The following HDAC9 variants were observed in gnomAD, a reference collection of about 807,000 sequenced individuals.
HDAC9 encodes MEF-2 interacting transcription repressor (MITR) protein.
In HDAC9, 41 loss-of-function variants were observed where a neutral mutation model predicts 139.4. The observed-to-expected ratio is 0.29, with a 90% CI of 0.23 to 0.38. The LOEUF (loss-of-function observed/expected upper bound fraction) is 0.38, where lower values mean the gene tolerates loss of function less well. HDAC9 is among the 10% of genes least tolerant of loss of function. HDAC9 has a pLI of 1.00. For missense variants in HDAC9, 1,147 were observed against 1,297.0 expected, an observed-to-expected ratio of 0.88 and a Z score of 1.78; for synonymous variants, 517 against 476.2, an observed-to-expected ratio of 1.09 and a Z score of -1.12.
chr7:18,268,348 G>A (rs548646810), intron 2 of HDAC9, among the ~76,000 whole-genome samples: 1 of 152,074 alleles, frequency 6.6e-6, no homozygotes. Context: ...TCATATACCT[G>A]TAATATTTAG....
At chr7:18,584,043 A>T (rs1828656266) in intron 2 of HDAC9, among the ~76,000 whole-genome samples, 1 of 152,108 alleles carries the variant, frequency 6.6e-6, no homozygotes. Context: ...TGGTCATTCA[A>T]AATGTCAGAA....
intron 25 of HDAC9, among the ~76,000 whole-genome samples, chr7:18,988,622 T>A (rs1209441042): frequency 6.6e-6 from 1 of 152,254 alleles, no homozygotes. Context: ...TATCCTTGTT[T>A]ACTTTCTGTC....
chr7:18,748,576 C>T (rs1016257943), intron 13 of HDAC9, among the ~76,000 whole-genome samples: 3 of 152,142 alleles, frequency 2.0e-5, no homozygotes, highest in African/African-American at 7.2e-5. Context: ...GCTAGAATGA[C>T]TCATGGAAGA....
At chr7:18,625,265 T>G (rs1340658653) in intron 6 of HDAC9, among the ~76,000 whole-genome samples, 2 of 152,160 alleles carry the variant, frequency 1.3e-5, no homozygotes, top group African/African-American at 4.8e-5. Context: ...TAATAATCTC[T>G]CTTTTCTTTT....
chr7:18,198,794 G>T (rs1327405612), intron 2 of HDAC9, among the ~76,000 whole-genome samples: 1 of 152,072 alleles, frequency 6.6e-6, no homozygotes. Context: ...ATTTGACATA[G>T]AAACTGTCAA....
chr7:18,749,631 T>A (rs951138286), intron 14 of HDAC9, among the ~76,000 whole-genome samples: 2 of 152,204 alleles, frequency 1.3e-5, no homozygotes, highest in African/African-American at 4.8e-5. Context: ...TTGAATACTT[T>A]GATTTTATCA....
intron 12 of HDAC9, chr7:18,668,355 G>A (rs970681901): frequency 1.2e-5 from 11 of 937,064 alleles, no homozygotes; most frequent in African/African-American, 3.6e-5. Flanking sequence ...AATATGGCAT[G>A]CCTAAGATAA....
intron 12 of HDAC9, among the ~76,000 whole-genome samples, chr7:18,687,307 C>T (rs1330461649): frequency 6.6e-6 from 1 of 151,804 alleles, no homozygotes; most frequent in Non-Finnish European, 1.5e-5. Flanking sequence ...AAATCTTCTA[C>T]TCAATGCACT....
At chr7:18,950,734 C>T (rs1179953727) in intron 23 of HDAC9, among the ~76,000 whole-genome samples, 1 of 151,580 alleles carries the variant, frequency 6.6e-6, no homozygotes, top group African/African-American at 2.4e-5. Context: ...GAGGAGCACG[C>T]AATATTTGCG....
chr7:18,962,902 T>C (rs1258982870), intron 24 of HDAC9, among the ~76,000 whole-genome samples: 1 of 152,176 alleles, frequency 6.6e-6, no homozygotes, highest in Non-Finnish European at 1.5e-5. Flanking sequence ...TTCCTTCTAC[T>C]GGTAAGAAGG....
At chr7:18,492,419 T>A (rs1283873265), upstream of HDAC9, among the ~76,000 whole-genome samples, 1 of 151,938 alleles carries the variant, frequency 6.6e-6, no homozygotes, top group Non-Finnish European at 1.5e-5. Context: ...TAGAAAGAAA[T>A]TGGATTATGG....
intron 6 of HDAC9, among the ~76,000 whole-genome samples, chr7:18,622,227 G>A (rs1840397875): frequency 6.6e-6 from 1 of 152,214 alleles, no homozygotes; most frequent in Non-Finnish European, 1.5e-5. Flanking sequence ...AGCTGGTGGT[G>A]AAGACTTGAC....
chr7:18,574,379 G>T (rs1171863171), intron 2 of HDAC9, among the ~76,000 whole-genome samples: 1 of 152,230 alleles, frequency 6.6e-6, no homozygotes, highest in East Asian at 1.9e-4. Flanking sequence ...CTGAGTCCAG[G>T]GTCGTTATGC....
At chr7:18,827,309 T>C (rs1265255290) in intron 17 of HDAC9, among the ~76,000 whole-genome samples, 1 of 152,102 alleles carries the variant, frequency 6.6e-6, no homozygotes, top group Non-Finnish European at 1.5e-5. Context: ...GACACTATCT[T>C]TTACATAATT....
chr7:18,135,355 G>T (rs1785315805), intron 1 of HDAC9, among the ~76,000 whole-genome samples: 1 of 143,574 alleles, frequency 7.0e-6, no homozygotes. Flanking sequence ...ACATTGTGCA[G>T]GTTAGTTACA....
intron 2 of HDAC9, among the ~76,000 whole-genome samples, chr7:18,261,471 A>G (rs1218397271): frequency 6.6e-6 from 1 of 152,200 alleles, no homozygotes; most frequent in Non-Finnish European, 1.5e-5. Context: ...ACCACAGTTC[A>G]GTCCATTGGG....
intron 2 of HDAC9, among the ~76,000 whole-genome samples, chr7:18,504,020 T>G (rs1799090497): frequency 6.6e-6 from 1 of 152,208 alleles, no homozygotes; most frequent in African/African-American, 2.4e-5. Context: ...ACATCATAGC[T>G]TGGGAGTTCT....
At chr7:18,563,838 CTT>C (rs374816857) in intron 2 of HDAC9, among the ~76,000 whole-genome samples, 11 of 132,928 alleles carry the variant, frequency 8.3e-5, no homozygotes, top group East Asian at 2.1e-4. Context: ...TGATTTGCTG[CTT>C]TTTTTTTTTT....
intron 6 of HDAC9, among the ~76,000 whole-genome samples, chr7:18,623,896 G>A (rs926505100): frequency 2.0e-5 from 3 of 152,102 alleles, no homozygotes; most frequent in African/African-American, 7.2e-5. Context: ...CCAAGATCAC[G>A]GCACTGCATT....
Sources: gnomAD v4.1 joint callset for allele counts (sites outside exome capture counted in the v4.1 genomes callset) on GRCh38, gnomAD v4.1.1 for gene constraint, MANE v1.5 for transcripts, NCBI Gene and HGNC (gene_info 2026-07-23, HGNC 2026-07-21) for gene names.